PPP1R7: variants seen among roughly 807,000 people sequenced by gnomAD.
The protein encoded by PPP1R7 is protein phosphatase 1 regulatory subunit 22.
Under a neutral mutation model 45.2 loss-of-function variants are expected in PPP1R7, and 18 were observed. That is an observed-to-expected ratio of 0.40 (90% CI 0.28 to 0.59). The LOEUF (loss-of-function observed/expected upper bound fraction) is 0.59. Ranked by LOEUF, PPP1R7 falls within the 20% of genes least tolerant of loss-of-function variation. The pLI, the probability that PPP1R7 is intolerant of heterozygous loss-of-function variation, is 0.46. For missense variants in PPP1R7, 314 were observed against 455.8 expected (o/e 0.69, Z 2.83); for synonymous variants, 181 against 183.4 (o/e 0.99, Z 0.11).
At chr2:241,166,504 G>A in intron 8 of PPP1R7, 63 bp downstream of exon 8, 2 of 1,441,584 alleles carry the variant, frequency 1.4e-6, no homozygotes, top group Non-Finnish European at 1.9e-6. Flanking sequence ...GCAGGCACCT[G>A]GCCAGCCAGC....
At chr2:241,164,127 G>C (rs1049334152) in intron 7 of PPP1R7, among the ~76,000 whole-genome samples, 6 of 152,022 alleles carry the variant, frequency 3.9e-5, no homozygotes, top group African/African-American at 1.5e-4. Context: ...ATGTTGCCCA[G>C]GGTGGTCTTG....
At chr2:241,176,595 T>C (rs544923151) in intron 9 of PPP1R7, among the ~76,000 whole-genome samples, 2 of 152,134 alleles carry the variant, frequency 1.3e-5, no homozygotes, top group African/African-American at 4.8e-5. Flanking sequence ...GTAGTTGGGA[T>C]TACAGGTGGC....
In PPP1R7 at chr2:241,159,127, C is replaced by T. The variant is rs539939438; in HGVS notation, c.304-86C>T. On this transcript the variant is annotated intron_variant, in intron 4 of 9. Transcript: ENST00000234038. Reference sequence around the variant, plus strand: ...AAGACATGTCCTTCTACCAGAAAGGCCTTTCTTGTGTCCTCCAGTATCAGC... The same window carrying T: ...AAGACATGTCCTTCTACCAGAAAGGTCTTTCTTGTGTCCTCCAGTATCAGC... 7.5e-6 allele frequency: 11 copies of T among 1,469,164 alleles called. No homozygotes were observed. The East Asian group carries it at 2.1e-4, about 28-fold the overall frequency. The allele number at this position is 1,469,164 out of a possible 1,614,324, so 91.0% of individuals were successfully genotyped here.
chr2:241,163,241 G>A (rs1466829963), intron 6 of PPP1R7, 44 bp from the exon 7 acceptor site: 1 of 1,371,752 alleles, frequency 7.3e-7, no homozygotes, highest in Non-Finnish European at 1.0e-6. Flanking sequence ...GCCTGGGGCA[G>A]CCTGTCAACT....
In PPP1R7 at chr2:241,160,338, A is replaced by G; in HGVS notation, c.441A>G (p.Leu147=). The change falls in exon 6 of 10, where the codon CTA becomes CTG. Residue 147 remains leucine, a synonymous_variant. Transcript: ENST00000234038. The stretch of plus-strand genomic sequence containing the variant: ...CTGTTTTGGTTGTTCTCAGGATTCT[A>G]GATATTTCTTTTAATCTGCTGAGAA... ...NLEALTELEI[L]DISFNLLRNI... The G allele has an allele frequency of 1.3e-6, 2 of 1,597,700 alleles. No individual in the cohort carries two copies. The highest frequency in any genetic ancestry group is 1.7e-6 in the Non-Finnish European group (2 of 1,175,586).
At chr2:241,174,619 ACTAT>A (rs367850721) in intron 9 of PPP1R7, among the ~76,000 whole-genome samples, 54 of 151,598 alleles carry the variant, frequency 3.6e-4, no homozygotes, top group African/African-American at 1.2e-3. Flanking sequence ...CTCAAGAATC[ACTAT>A]CTGTGTTGCC....
At chr2:241,159,182 T>C (rs774257567) in intron 4 of PPP1R7, 31 bp from the exon 5 acceptor site, 1 of 1,609,364 alleles carries the variant, frequency 6.2e-7, no homozygotes, top group Non-Finnish European at 8.5e-7. Context: ...CCCCCTTGCC[T>C]GTGTCAATTG....
At position 241,153,586 on chromosome 2, in the gene PPP1R7, G is replaced by A; in HGVS notation, c.163G>A (p.Gly55Arg). The change falls in exon 2 of 10, where the codon GGG becomes AGG. Residue 55 changes from glycine to arginine, a missense_variant. Around this residue, in one of 3 missense-constraint regions of PPP1R7, gnomAD observed 112 missense variants for 144.5 expected, o/e 0.78. Transcript: ENST00000234038. ...EQSLKDGEER[G>R]EEDPEEEHEL... Reference sequence around the variant, plus strand: ...GAGCCTGAAGGATGGGGAGGAGCGGGGGGAGGAGGACCCAGAAGGTACCAG... The same window carrying A: ...GAGCCTGAAGGATGGGGAGGAGCGGAGGGAGGAGGACCCAGAAGGTACCAG... 6.2e-7 allele frequency: 1 copy of A among 1,614,092 alleles called. No individual in the cohort carries two copies. The highest frequency in any genetic ancestry group is 8.5e-7 in the Non-Finnish European group (1 of 1,180,026).
At chr2:241,178,606 G>A (rs369985376) in intron 9 of PPP1R7, among the ~76,000 whole-genome samples, 120 of 105,616 alleles carry the variant, frequency 1.1e-3, no homozygotes, top group African/African-American at 3.3e-3. Flanking sequence ...ACAGGTGCCC[G>A]CCACCACGCT....
At chr2:241,178,645 C>T (rs56911384) in intron 9 of PPP1R7, among the ~76,000 whole-genome samples, 26 of 1,926 alleles carry the variant, frequency 0.013, 1 homozygote, top group South Asian at 0.036. Flanking sequence ...TTTTTTTAGA[C>T]GGAGTCTGGC....
At chr2:241,152,717 A>G (rs1007814332) in intron 1 of PPP1R7, among the ~76,000 whole-genome samples, 3 of 152,232 alleles carry the variant, frequency 2.0e-5, no homozygotes, top group African/African-American at 7.2e-5. Flanking sequence ...TTAGTGCCTC[A>G]TGTTTTCCAG....
chr2:241,172,643 C>CAA (rs1364917767), intron 9 of PPP1R7, among the ~76,000 whole-genome samples: 4 of 96,586 alleles, frequency 4.1e-5, no homozygotes, highest in Non-Finnish European at 4.5e-5. Flanking sequence ...AACTCCGTCT[C>CAA]AAAAAAAAAA....
intron 8 of PPP1R7, chr2:241,167,134 G>A: frequency 1.3e-6 from 2 of 1,486,564 alleles, no homozygotes; most frequent in East Asian, 2.3e-5. Flanking sequence ...CTCTGCCCCA[G>A]TGCGGTGTTC....
intron 8 of PPP1R7, among the ~76,000 whole-genome samples, 158 bp from the exon 9 acceptor site, chr2:241,169,623 C>G (rs2067779776): frequency 6.6e-6 from 1 of 152,110 alleles, no homozygotes; most frequent in African/African-American, 2.4e-5. Context: ...AGGAAGCAAG[C>G]AGGTCTCGTC....
upstream of PPP1R7, chr2:241,150,337 C>G (rs1483994182): frequency 7.6e-7 from 1 of 1,319,024 alleles, no homozygotes. Context: ...GGCCTCATGA[C>G]GGAACTACAA....
At position 241,183,074 on chromosome 2, in the gene PPP1R7, C is replaced by T. The variant is rs573439252; in HGVS notation, c.*251C>T. 2.2e-5 allele frequency: 12 copies of T among 543,086 alleles called. No individual in the cohort carries two copies. Among genetic ancestry groups the T allele is most frequent in the South Asian group, 1.9e-4 (9 of 47,270 alleles). 33.6% of individuals were successfully genotyped at this position (543,086 alleles called of 1,614,324 possible). The stretch of plus-strand genomic sequence containing the variant: ...TTGTAGCCACAGAGAGAACATAAGA[C>T]ACGTTGCGTTCATTCGCTAGAAATC... On this transcript the variant is annotated 3_prime_UTR_variant, in exon 10 of 10. Coordinates refer to ENST00000234038, the MANE Select transcript of PPP1R7 (RefSeq NM_002712.3).
At chr2:241,170,991 A>G (rs2067805936) in intron 9 of PPP1R7, among the ~76,000 whole-genome samples, 1 of 152,238 alleles carries the variant, frequency 6.6e-6, no homozygotes, top group Non-Finnish European at 1.5e-5. Flanking sequence ...CAAAGAAGCC[A>G]GGGAACAACA....
At chr2:241,163,141 CCACTGGAAGTCTT>C in intron 6 of PPP1R7, 131 bp from the exon 7 acceptor site, 2 of 644,182 alleles carry the variant, frequency 3.1e-6, no homozygotes, top group Admixed American at 2.5e-5. Flanking sequence ...AGTAGGATTT[CCACTGGAAGTCTT>C]AGCAGATACG....
At chr2:241,154,919 T>C (rs1424331135) in intron 2 of PPP1R7, 1 of 152,204 alleles carries the variant, frequency 6.6e-6, no homozygotes, top group East Asian at 1.9e-4. Flanking sequence ...TAAAATAACA[T>C]TGTGCTCTCT....
Sources: gnomAD v4.1 joint callset for allele counts (sites outside exome capture counted in the v4.1 genomes callset) on GRCh38, gnomAD v4.1.1 for gene constraint, gnomAD v4.1.1 regional missense constraint, MANE v1.5 for transcripts, NCBI Gene and HGNC (gene_info 2026-07-23, HGNC 2026-07-21) for gene names.